Variants in CNTLN observed in about 807,000 individuals in gnomAD.
CNTLN encodes the protein centlein, also known as centlein, centrosomal protein.
Under a neutral mutation model 180.0 loss-of-function variants are expected in CNTLN, and 212 were observed. The ratio of observed to expected loss-of-function variants is 1.18; its 90% confidence interval spans 1.05 to 1.32. The LOEUF is 1.32. Among genes scored for constraint, CNTLN ranks in the 40% most tolerant of loss-of-function variants. The probability of loss-of-function intolerance (pLI) is 0.00; values close to 1 mark genes in which losing one functional copy is unlikely to be tolerated. For missense variants in CNTLN, 2,095 were observed against 1,610.9 expected, an observed-to-expected ratio of 1.30 and a Z score of -5.14; for synonymous variants, 722 against 563.1, an observed-to-expected ratio of 1.28 and a Z score of -3.99.
At chr9:17,287,476 G>A (rs1829060102) in intron 6 of CNTLN, among the ~76,000 whole-genome samples, 1 of 150,708 alleles carries the variant, frequency 6.6e-6, no homozygotes, top group Non-Finnish European at 1.5e-5. Context: ...CTCTTTTTTG[G>A]TTGTGTCTCT....
At chr9:17,272,409 ACT>A (rs1199831233) in intron 5 of CNTLN, among the ~76,000 whole-genome samples, 5 of 151,400 alleles carry the variant, frequency 3.3e-5, no homozygotes, top group Admixed American at 6.6e-5. Flanking sequence ...CACTTCATTG[ACT>A]CTGTTTTTGA....
chr9:17,206,356 T>A (rs552583589), intron 2 of CNTLN, among the ~76,000 whole-genome samples: 2 of 152,344 alleles, frequency 1.3e-5, no homozygotes, highest in East Asian at 3.9e-4. Context: ...ACTGGACTTA[T>A]GTTATCAGAT....
At chr9:17,487,666 C>T (rs1425727969) in intron 25 of CNTLN, among the ~76,000 whole-genome samples, 2 of 152,058 alleles carry the variant, frequency 1.3e-5, no homozygotes, top group African/African-American at 2.4e-5. Flanking sequence ...TTTTCTGGGC[C>T]GAGTGGAAAG....
At chr9:17,365,042 T>G (rs1024389552) in intron 12 of CNTLN, among the ~76,000 whole-genome samples, 5 of 152,196 alleles carry the variant, frequency 3.3e-5, no homozygotes, top group African/African-American at 1.2e-4. Flanking sequence ...CATTTTTATC[T>G]GTCAACCAGG....
intron 7 of CNTLN, chr9:17,298,979 C>A: frequency 1.0e-6 from 1 of 977,374 alleles, no homozygotes; most frequent in Non-Finnish European, 1.2e-6. Context: ...CATGGTGGCT[C>A]ATGCCTGTAA....
At chr9:17,409,187 T>A (rs1327629362) in intron 15 of CNTLN, 106 bp from the exon 16 acceptor site, 1 of 1,046,908 alleles carries the variant, frequency 9.6e-7, no homozygotes, top group African/African-American at 1.6e-5. Context: ...AAACTTGCAG[T>A]TTTATATACA....
intron 18 of CNTLN, among the ~76,000 whole-genome samples, chr9:17,429,711 C>G (rs1355013281): frequency 1.3e-5 from 2 of 151,906 alleles, no homozygotes; most frequent in Non-Finnish European, 2.9e-5. Flanking sequence ...AATGGGAAGT[C>G]AAAATCTTGA....
intron 7 of CNTLN, among the ~76,000 whole-genome samples, chr9:17,307,832 C>A (rs770871454): frequency 1.3e-5 from 2 of 151,988 alleles, no homozygotes; most frequent in South Asian, 2.1e-4. Context: ...TCCCATGAGG[C>A]AAGGCAAACT....
At chr9:17,502,418 G>C in intron 25 of CNTLN, 133 bp from the exon 26 acceptor site, 1 of 471,290 alleles carries the variant, frequency 2.1e-6, no homozygotes, top group Non-Finnish European at 3.8e-6. Flanking sequence ...CAGTAGAAAA[G>C]AGATCCAGTA....
chr9:17,373,107 A>T (rs541026123), intron 13 of CNTLN, among the ~76,000 whole-genome samples: 1 of 152,162 alleles, frequency 6.6e-6, no homozygotes, highest in Non-Finnish European at 1.5e-5. Flanking sequence ...CTGTTATTCA[A>T]CATAGTACTG....
intron 21 of CNTLN, among the ~76,000 whole-genome samples, chr9:17,465,165 G>A (rs1416614274): frequency 1.4e-5 from 2 of 147,612 alleles, no homozygotes; most frequent in Admixed American, 6.8e-5. Flanking sequence ...AACTCATAAA[G>A]CACCCTGTGC....
chr9:17,145,616 C>G (rs1242752797), intron 2 of CNTLN, among the ~76,000 whole-genome samples: 1 of 152,088 alleles, frequency 6.6e-6, no homozygotes, highest in Non-Finnish European at 1.5e-5. Context: ...TGTCTACGTC[C>G]TTTGTCAGAC....
At chr9:17,496,709 A>G (rs944479246) in intron 25 of CNTLN, among the ~76,000 whole-genome samples, 1 of 152,160 alleles carries the variant, frequency 6.6e-6, no homozygotes, top group African/African-American at 2.4e-5. Flanking sequence ...TGAGCCCCCA[A>G]ATTCTTTCTT....
intron 9 of CNTLN, among the ~76,000 whole-genome samples, chr9:17,332,166 G>C (rs941083863): frequency 6.6e-6 from 1 of 151,948 alleles, no homozygotes; most frequent in South Asian, 2.1e-4. Context: ...TATTCCTCAA[G>C]CATATTGTTC....
chr9:17,490,266 G>T (rs770056568), intron 25 of CNTLN, among the ~76,000 whole-genome samples: 6 of 152,176 alleles, frequency 3.9e-5, no homozygotes, highest in Admixed American at 1.3e-4. Flanking sequence ...TCTGGATGTG[G>T]CCTGGCCATG....
At chr9:17,315,244 T>G (rs186284369) in intron 8 of CNTLN, among the ~76,000 whole-genome samples, 14 of 152,268 alleles carry the variant, frequency 9.2e-5, no homozygotes, top group Admixed American at 6.5e-4. Flanking sequence ...CTGAACAGTA[T>G]TTTTTAGATG....
At chr9:17,147,881 C>T (rs1818565675) in intron 2 of CNTLN, among the ~76,000 whole-genome samples, 1 of 152,116 alleles carries the variant, frequency 6.6e-6, no homozygotes, top group African/African-American at 2.4e-5. Context: ...TTATTGGTTT[C>T]AACCGGTTGT....
intron 18 of CNTLN, among the ~76,000 whole-genome samples, chr9:17,420,692 A>T (rs1828651117): frequency 6.6e-6 from 1 of 151,932 alleles, no homozygotes. Flanking sequence ...AAGCACTTTT[A>T]GGTATAAACT....
In CNTLN at chr9:17,185,703, A is replaced by G. The variant is rs1010196800; in HGVS notation, c.450-40500A>G. Among the ~76,000 whole-genome samples the G allele has an allele frequency of 5.3e-5, 8 of 151,320 alleles. No homozygotes were observed. In the South Asian group the frequency reaches 6.3e-4, roughly 12 times the overall value. On this transcript the variant is annotated intron_variant, in intron 2 of 25. Transcript: ENST00000380647. The stretch of plus-strand genomic sequence containing the variant: ...ACACATGGAAAGATCTTTCCTATCT[A>G]TGCCTTGCACATTTCACTCTGTTAG...
Sources: gnomAD v4.1 joint callset for allele counts (sites outside exome capture counted in the v4.1 genomes callset) on GRCh38, gnomAD v4.1.1 for gene constraint, MANE v1.5 for transcripts, NCBI Gene and HGNC (gene_info 2026-07-23, HGNC 2026-07-21) for gene names.